CCDC25: variants seen among roughly 807,000 people sequenced by gnomAD.
The protein encoded by CCDC25 is coiled-coil domain containing 25, also known as coiled-coil domain-containing protein 25.
In CCDC25, 16 loss-of-function variants were observed where a neutral mutation model predicts 35.3. That is an observed-to-expected ratio of 0.45 (90% CI 0.31 to 0.69). The LOEUF is 0.69. Ranked by LOEUF, CCDC25 falls within the 30% of genes least tolerant of loss-of-function variation. The pLI is 0.06. For missense variants in CCDC25, 179 were observed against 250.7 expected, an observed-to-expected ratio of 0.71 and a Z score of 1.93; for synonymous variants, 79 against 80.3, an observed-to-expected ratio of 0.98 and a Z score of 0.09.
At chr8:27,763,864 C>T (rs1804310617) in intron 2 of CCDC25, among the ~76,000 whole-genome samples, 1 of 152,124 alleles carries the variant, frequency 6.6e-6, no homozygotes, top group Non-Finnish European at 1.5e-5. Context: ...TGGGTAAAGG[C>T]ACTCATAACA....
Position 27,756,729 on chromosome 8 carries a change from C to G in CCDC25, c.158G>C (p.Arg53Pro). The G allele has an allele frequency of 6.2e-7, 1 of 1,610,314 alleles. No homozygotes were observed. The change falls in exon 4 of 9, where the codon CGA (arginine) becomes CCA (proline). Residue 53 changes from arginine (R) to proline (P), a missense_variant. Physicochemically the swap from Arg to Pro is moderately radical, Grantham distance 103. Transcript: ENST00000356537. ...DKLSSAHVYL[R>P]LHKGENIEDI... ...TTTAAATTCAGTTACCTTATGTAAT[C>G]GAAGGTATACATGAGCCGAAGAGAG...
chr8:27,738,082 G>C (rs1338226949), intron 8 of CCDC25, among the ~76,000 whole-genome samples: 1 of 152,152 alleles, frequency 6.6e-6, no homozygotes, highest in Non-Finnish European at 1.5e-5. Flanking sequence ...AAAGGCGTAA[G>C]AATGATACGA....
chr8:27,743,133 T>A (rs189109161), intron 7 of CCDC25, among the ~76,000 whole-genome samples: 68 of 152,282 alleles, frequency 4.5e-4, no homozygotes, highest in Middle Eastern at 3.4e-3. Context: ...CTTAGCCCCC[T>A]TTTCCCTGCC....
In CCDC25 at chr8:27,734,589, C is replaced by CAGAGGAGGGTGG. The variant is rs6150519; in HGVS notation, c.*1626_*1627insCCACCCTCCTCT. 1 of 151,858 alleles carries CAGAGGAGGGTGG rather than the reference C, an allele frequency of 6.6e-6. No homozygotes were observed. Among genetic ancestry groups the CAGAGGAGGGTGG allele is most frequent in the African/African-American group, 2.4e-5 (1 of 41,314 alleles). The allele number at this position is 151,858 out of a possible 1,614,324, so 9.4% of individuals were successfully genotyped here. On this transcript the variant is annotated 3_prime_UTR_variant, in exon 9 of 9. Coordinates refer to ENST00000356537, the MANE Select transcript of CCDC25 (RefSeq NM_018246.3). ...AGGGTTAGGGGCATAGGAATCAACA[C>CAGAGGAGGGTGG]AGAGCTATGAATTCAACAAGAGAAT...
intron 2 of CCDC25, among the ~76,000 whole-genome samples, chr8:27,763,435 A>C (rs1042272877): frequency 9.9e-5 from 15 of 152,246 alleles, no homozygotes; most frequent in African/African-American, 3.4e-4. Context: ...ATCATAAACA[A>C]TACTGGGCAC....
At chr8:27,750,068 G>T (rs1803741886) in intron 5 of CCDC25, among the ~76,000 whole-genome samples, 1 of 152,170 alleles carries the variant, frequency 6.6e-6, no homozygotes. Context: ...AACATGACCA[G>T]ACAATGAATC....
intron 5 of CCDC25, among the ~76,000 whole-genome samples, chr8:27,751,959 A>G (rs1469478792): frequency 1.3e-5 from 2 of 152,194 alleles, no homozygotes; most frequent in African/African-American, 4.8e-5. Context: ...CCCCAGACAA[A>G]CTAAATAAGA....
chr8:27,736,950 A>G (rs1585335907), intron 8 of CCDC25, among the ~76,000 whole-genome samples: 1 of 152,234 alleles, frequency 6.6e-6, no homozygotes, highest in Non-Finnish European at 1.5e-5. Context: ...TTGCTTGCCA[A>G]TGTCACAATC....
chr8:27,751,423 C>T (rs991498055), intron 5 of CCDC25, among the ~76,000 whole-genome samples: 2 of 152,184 alleles, frequency 1.3e-5, no homozygotes, highest in Non-Finnish European at 2.9e-5. Flanking sequence ...TGTAAAGCAA[C>T]AGTTCTACCT....
chr8:27,759,064 A>G (rs1247467319), intron 3 of CCDC25, among the ~76,000 whole-genome samples: 2 of 152,190 alleles, frequency 1.3e-5, no homozygotes, highest in Non-Finnish European at 2.9e-5. Context: ...CAATCTTTCT[A>G]AACATTTATT....
Position 27,748,588 on chromosome 8 carries a change from C to T in CCDC25, c.255G>A (p.Met85Ile), listed in dbSNP as rs781515866. 1 of 1,613,062 alleles carries T rather than the reference C, an allele frequency of 6.2e-7. No homozygotes were observed. Among genetic ancestry groups the T allele is most frequent in the Middle Eastern group, 1.7e-4 (1 of 5,988 alleles). The change falls in exon 6 of 9, where the codon ATG becomes ATA. Residue 85 changes from methionine to isoleucine, a missense_variant. By Grantham distance (10) the Met-to-Ile change is conservative (BLOSUM62 1). Coordinates refer to ENST00000356537, the MANE Select transcript of CCDC25 (RefSeq NM_018246.3). ...VKANSIQGCK[M>I]NNVNVVYTPW... ...GCGTATATACCACATTAACGTTGTTCATCTTGCAGCCTGCCAAGAGAGACT... is the reference window on the plus strand; with the variant it reads ...GCGTATATACCACATTAACGTTGTTTATCTTGCAGCCTGCCAAGAGAGACT...
Position 27,758,406 on chromosome 8 carries a change from T to C in CCDC25, c.117-1636A>G, listed in dbSNP as rs1804092337. ...TTAGGCACTTTTGGCACACAGTTTA[T>C]GATGACTCGAGGTTTTACTCTTAAT... On this transcript the variant is annotated intron_variant, in intron 3 of 8. Coordinates refer to ENST00000356537, the MANE Select transcript of CCDC25 (RefSeq NM_018246.3). 2.0e-5 allele frequency among the ~76,000 whole-genome samples: 3 copies of C among 152,214 alleles called. No homozygotes were observed. The South Asian group carries it at 6.2e-4, about 32-fold the overall frequency.
chr8:27,756,353 C>G (rs1259306563), intron 4 of CCDC25: 1 of 172,030 alleles, frequency 5.8e-6, no homozygotes. Context: ...GGAACACGGG[C>G]CCTTCACTGA....
intron 3 of CCDC25, among the ~76,000 whole-genome samples, 193 bp from the exon 4 acceptor site, chr8:27,756,963 C>A (rs917988299): frequency 6.6e-6 from 1 of 152,136 alleles, no homozygotes; most frequent in Non-Finnish European, 1.5e-5. Context: ...ACGAGAAACA[C>A]TGAATTATGG....
chr8:27,767,047 T>G (rs1804425350), intron 1 of CCDC25, among the ~76,000 whole-genome samples: 1 of 152,188 alleles, frequency 6.6e-6, no homozygotes, highest in Non-Finnish European at 1.5e-5. Context: ...ACAGATGGCT[T>G]TTGTAATTAG....
chr8:27,765,201 T>A lies in CCDC25; in HGVS notation c.76+3A>T. Reference sequence around the variant, plus strand: ...TCAAAATCAAATGCTTTTGAAAACTTACTTTCATATTTATCTTTTCCCATG... The same window carrying A: ...TCAAAATCAAATGCTTTTGAAAACTAACTTTCATATTTATCTTTTCCCATG... On this transcript the variant is annotated splice_donor_region_variant and intron_variant, in intron 2 of 8. Transcript: ENST00000356537. The A allele has an allele frequency of 6.6e-7, 1 of 1,509,612 alleles. No homozygotes were observed. 93.5% of individuals were successfully genotyped at this position (1,509,612 alleles called of 1,614,324 possible). A position where few individuals can be genotyped will look rare whatever the true frequency, so the allele number is the denominator to read the frequency against.
intron 2 of CCDC25, 71 bp downstream of exon 2, chr8:27,765,133 T>TG (rs1220712119): frequency 2.2e-6 from 3 of 1,380,222 alleles, no homozygotes; most frequent in African/African-American, 2.9e-5. Context: ...GTGGGGGGCA[T>TG]GGAAGGTGGT....
Position 27,735,121 on chromosome 8 carries a change from G to A in CCDC25, c.*1095C>T, listed in dbSNP as rs1230014278. 6.6e-6 allele frequency: 1 copy of A among 152,482 alleles called. No individual in the cohort carries two copies. Among genetic ancestry groups the A allele is most frequent in the Non-Finnish European group, 1.5e-5 (1 of 68,012 alleles). The allele number at this position is 152,482 out of a possible 1,614,324, so 9.4% of individuals were successfully genotyped here. On this transcript the variant is annotated 3_prime_UTR_variant, in exon 9 of 9. Transcript: ENST00000356537. ...CGGAACATCAGACTGAATATCATCA[G>A]ACACATACACAAAACCACTCATCTC... is the stretch of plus-strand genomic sequence containing the variant.
rs1803664256 is a variant in CCDC25 at position 27,748,073 on chromosome 8, A to G, written c.551+4T>C. 1 of 1,611,222 alleles carries G rather than the reference A, an allele frequency of 6.2e-7. No individual in the cohort carries two copies. The highest frequency in any genetic ancestry group is 2.2e-5 in the East Asian group (1 of 44,868). ...TCAGTCTCAATGCCACAGCTCCGAC[A>G]TACCTAAGTTCATCCATTTCCCTCT... On this transcript the variant is annotated splice_donor_region_variant and intron_variant, in intron 7 of 8. Transcript: ENST00000356537.
Sources: allele counts gnomAD v4.1 joint callset (sites outside exome capture counted in the v4.1 genomes callset), GRCh38; gene constraint gnomAD v4.1.1; transcripts MANE v1.5; gene names NCBI Gene and HGNC (gene_info 2026-07-23, HGNC 2026-07-21).